SPPL3: variants seen among roughly 807,000 people sequenced by gnomAD.
The protein encoded by SPPL3 is signal peptide peptidase like 3, also known as signal peptide peptidase-like 3.
In SPPL3, 5 loss-of-function variants were observed where a neutral mutation model predicts 42.4. That is an observed-to-expected ratio of 0.12 (90% CI 0.06 to 0.25). The LOEUF is 0.25. SPPL3 is among the 10% of genes least tolerant of loss of function. The pLI, the probability that SPPL3 is intolerant of heterozygous loss-of-function variation, is 1.00. For synonymous variants in SPPL3, 195 were observed against 181.8 expected (o/e 1.07, Z -0.58); for missense variants, 235 against 489.0 (o/e 0.48, Z 4.90).
chr12:120,821,811 G>A (rs567510835), intron 1 of SPPL3, among the ~76,000 whole-genome samples: 15 of 152,266 alleles, frequency 9.9e-5, no homozygotes, highest in South Asian at 4.1e-4. Flanking sequence ...TGGCTGGGCC[G>A]TGAATAATGG....
chr12:120,802,983 C>CTTAT (rs1870369177), intron 2 of SPPL3, among the ~76,000 whole-genome samples: 1 of 152,182 alleles, frequency 6.6e-6, no homozygotes, highest in African/African-American at 2.4e-5. Flanking sequence ...TCAACAAACA[C>CTTAT]TTATTTGAAT....
intron 1 of SPPL3, among the ~76,000 whole-genome samples, chr12:120,834,211 G>A (rs994182681): frequency 6.6e-6 from 1 of 152,204 alleles, no homozygotes; most frequent in African/African-American, 2.4e-5. Flanking sequence ...ACAATCGAGA[G>A]AGAATGAGAA....
At chr12:120,862,668 C>A (rs11831586) in intron 1 of SPPL3, among the ~76,000 whole-genome samples, 5 of 152,062 alleles carry the variant, frequency 3.3e-5, no homozygotes, top group Non-Finnish European at 7.4e-5. Flanking sequence ...GTGCACTGTC[C>A]TCCCAGCACC....
chr12:120,766,293 T>C lies in SPPL3; in HGVS notation c.1053A>G (p.Leu351=). 6.3e-7 allele frequency: 1 copy of C among 1,597,090 alleles called. No individual in the cohort carries two copies. Among genetic ancestry groups the C allele is most frequent in the Non-Finnish European group, 8.5e-7 (1 of 1,172,378 alleles). The change falls in exon 10 of 11, where the codon TTA becomes TTG. Residue 351 remains leucine (L), a synonymous_variant. Coordinates refer to ENST00000353487, the MANE Select transcript of SPPL3 (RefSeq NM_139015.5). ...PALLYLVPFT[L]LPLLTMAYLK... is the part of the protein sequence containing the mutation. ...AATAGGCCATCGTGAGGAGTGGCAATAAAGTAAATGGCACCAAATAGAGAA... is the reference window on the plus strand; with the variant it reads ...AATAGGCCATCGTGAGGAGTGGCAACAAAGTAAATGGCACCAAATAGAGAA...
At chr12:120,828,036 C>T (rs185391847) in intron 1 of SPPL3, among the ~76,000 whole-genome samples, 3 of 152,340 alleles carry the variant, frequency 2.0e-5, no homozygotes, top group African/African-American at 7.2e-5. Flanking sequence ...GATCTGCCTG[C>T]CTCAGCCTCC....
chr12:120,896,483 A>G (rs1446004890), intron 1 of SPPL3, among the ~76,000 whole-genome samples: 1 of 152,154 alleles, frequency 6.6e-6, no homozygotes, highest in Non-Finnish European at 1.5e-5. Context: ...ACATGATAGA[A>G]AGTGAAAGTT....
Position 120,766,245 on chromosome 12 carries a change from T to G in SPPL3, c.1083+18A>C. 6.4e-7 allele frequency: 1 copy of G among 1,553,162 alleles called. No homozygotes were observed. The highest frequency in any genetic ancestry group is 8.7e-7 in the Non-Finnish European group (1 of 1,146,384). ...ATCCAAGTTATTGCTTTCACAGGTT[T>G]ATAACTGCTGCTCTCACCTTTAAAT... On this transcript the variant is annotated intron_variant, in intron 10 of 10. Transcript: ENST00000353487.
At chr12:120,876,616 C>CAAAA (rs71076676) in intron 1 of SPPL3, among the ~76,000 whole-genome samples, 14 of 51,182 alleles carry the variant, frequency 2.7e-4, no homozygotes, top group East Asian at 6.8e-4. Context: ...GACTCTGTCT[C>CAAAA]AAAAAAAAAA....
chr12:120,807,267 C>T (rs979199028), intron 2 of SPPL3, among the ~76,000 whole-genome samples: 1 of 152,068 alleles, frequency 6.6e-6, no homozygotes, highest in South Asian at 2.1e-4. Flanking sequence ...AAAGACAATG[C>T]GTTTCAGAAA....
At chr12:120,789,539 T>C (rs1164202599) in intron 3 of SPPL3, among the ~76,000 whole-genome samples, 2 of 150,830 alleles carry the variant, frequency 1.3e-5, no homozygotes, top group Non-Finnish European at 2.9e-5. Context: ...AAAAAGCTTA[T>C]GTTGGCTGGG....
At chr12:120,768,203 G>A (rs763113070) in intron 8 of SPPL3, 122 bp downstream of exon 8, 31 of 1,248,270 alleles carry the variant, frequency 2.5e-5, no homozygotes, top group Non-Finnish European at 3.4e-5. Context: ...TTCCTCTTCT[G>A]CAGCATGGAG....
intron 2 of SPPL3, among the ~76,000 whole-genome samples, chr12:120,809,944 T>G (rs917185419): frequency 2.6e-5 from 4 of 152,076 alleles, no homozygotes; most frequent in African/African-American, 9.7e-5. Flanking sequence ...CATAATCTAC[T>G]TACTTACAAG....
intron 1 of SPPL3, among the ~76,000 whole-genome samples, chr12:120,891,225 A>T (rs899679120): frequency 2.6e-5 from 4 of 152,216 alleles, no homozygotes; most frequent in African/African-American, 9.6e-5. Flanking sequence ...CCAGGAATCC[A>T]GCCTAATACA....
At chr12:120,803,203 G>C (rs1870380304) in intron 2 of SPPL3, among the ~76,000 whole-genome samples, 1 of 152,180 alleles carries the variant, frequency 6.6e-6, no homozygotes, top group Non-Finnish European at 1.5e-5. Context: ...CTAGTAACAG[G>C]AGTGCTGGCA....
intron 1 of SPPL3, among the ~76,000 whole-genome samples, chr12:120,890,553 T>C (rs11065313): frequency 0.19 from 27,867 of 143,616 alleles, 4,242 homozygotes; most frequent in African/African-American, 0.41. Context: ...CGCGCCATTG[T>C]ACTCCAGCCT....
intron 1 of SPPL3, among the ~76,000 whole-genome samples, chr12:120,845,834 A>C (rs901851050): frequency 2.6e-5 from 4 of 151,892 alleles, no homozygotes; most frequent in Non-Finnish European, 4.4e-5. Flanking sequence ...CACCCCAATT[A>C]CTATTTTAAT....
chr12:120,838,650 T>C (rs753796661), intron 1 of SPPL3, among the ~76,000 whole-genome samples: 43 of 152,166 alleles, frequency 2.8e-4, no homozygotes, highest in Non-Finnish European at 5.4e-4. Context: ...ATTTTTAGAG[T>C]AATCAAGGAC....
At chr12:120,812,270 G>T (rs1870710510) in intron 1 of SPPL3, among the ~76,000 whole-genome samples, 2 of 152,008 alleles carry the variant, frequency 1.3e-5, no homozygotes, top group African/African-American at 4.8e-5. Flanking sequence ...GAGTAGCTGG[G>T]ATTACAGGCA....
intron 2 of SPPL3, among the ~76,000 whole-genome samples, chr12:120,809,684 C>T (rs1870617928): frequency 6.6e-6 from 1 of 152,122 alleles, no homozygotes; most frequent in Non-Finnish European, 1.5e-5. Context: ...TCTATATTTT[C>T]CCTCCTATTC....
Sources: allele counts gnomAD v4.1 joint callset (sites outside exome capture counted in the v4.1 genomes callset), GRCh38; gene constraint gnomAD v4.1.1; transcripts MANE v1.5; gene names NCBI Gene and HGNC (gene_info 2026-07-23, HGNC 2026-07-21).